THSD4: variants seen among roughly 807,000 people sequenced by gnomAD.
THSD4 encodes the protein thrombospondin type-1 domain-containing protein 4.
A neutral mutation model predicts 119.0 loss-of-function variants in THSD4; 69 were observed. The observed-to-expected ratio is 0.58, with a 90% CI of 0.48 to 0.71. THSD4 has a LOEUF of 0.71. THSD4 is among the 30% of genes least tolerant of loss of function. The pLI, the probability that THSD4 is intolerant of heterozygous loss-of-function variation, is 0.00. For synonymous variants in THSD4, 524 were observed against 540.4 expected (o/e 0.97, Z 0.42); for missense variants, 1,393 against 1,391.1 (o/e 1.00, Z -0.02).
intron 3 of THSD4, among the ~76,000 whole-genome samples, chr15:71,199,113 C>T (rs2043745707): frequency 6.6e-6 from 1 of 152,214 alleles, no homozygotes; most frequent in African/African-American, 2.4e-5. Flanking sequence ...ATGGATGCCA[C>T]AGCACATTAG....
At chr15:71,363,397 C>CTAGA (rs1157612133) in intron 6 of THSD4, among the ~76,000 whole-genome samples, 1 of 152,160 alleles carries the variant, frequency 6.6e-6, no homozygotes, top group African/African-American at 2.4e-5. Context: ...TCAACTTTCC[C>CTAGA]TAGAAGCCTG....
chr15:71,714,167 C>A (rs771416355), intron 8 of THSD4, among the ~76,000 whole-genome samples: 1 of 152,204 alleles, frequency 6.6e-6, no homozygotes, highest in Non-Finnish European at 1.5e-5. Context: ...CTATTCTTCT[C>A]ATCCACAAAA....
intron 7 of THSD4, among the ~76,000 whole-genome samples, chr15:71,594,420 G>A (rs145959033): frequency 0.02 from 3,055 of 152,106 alleles, 93 homozygotes; most frequent in African/African-American, 0.069. Context: ...TGTTGGCTGG[G>A]CTGTTCTTGA....
intron 7 of THSD4, among the ~76,000 whole-genome samples, chr15:71,436,717 G>A (rs1386814292): frequency 6.6e-6 from 1 of 152,180 alleles, no homozygotes; most frequent in Non-Finnish European, 1.5e-5. Context: ...AACATGCATA[G>A]CACGGGGGAA....
chr15:71,695,269 T>G (rs1434018001), intron 8 of THSD4, among the ~76,000 whole-genome samples: 1 of 152,194 alleles, frequency 6.6e-6, no homozygotes, highest in Non-Finnish European at 1.5e-5. Context: ...CTGGCCCATT[T>G]TAAATTAGGT....
intron 6 of THSD4, among the ~76,000 whole-genome samples, chr15:71,399,585 G>A (rs2046497158): frequency 6.6e-6 from 1 of 152,180 alleles, no homozygotes. Flanking sequence ...TGTTAGCTAT[G>A]GCAGTGCATT....
rs2052304713 is a variant in THSD4, at chr15:71,702,194, C to T, written c.1358-26355C>T. ...GAGGGCAGGCCTCGTCCAGGGGCCC[C>T]CCAGAACCACTGGACCCTGCAGCCT... On this transcript the variant is annotated intron_variant, in intron 8 of 17. Transcript: ENST00000261862. 2.6e-5 allele frequency among the ~76,000 whole-genome samples: 4 copies of T among 152,248 alleles called. No individual in the cohort carries two copies. In the South Asian group the frequency reaches 6.2e-4, roughly 24 times the overall value.
At chr15:71,151,718 T>C (rs2040724170) in intron 2 of THSD4, among the ~76,000 whole-genome samples, 1 of 152,224 alleles carries the variant, frequency 6.6e-6, no homozygotes, top group Admixed American at 6.5e-5. Flanking sequence ...ACCCGCTGTC[T>C]CTAATTCTCC....
intron 14 of THSD4, among the ~76,000 whole-genome samples, chr15:71,755,710 A>C (rs2053526899): frequency 2.9e-5 from 3 of 102,786 alleles, no homozygotes; most frequent in African/African-American, 2.1e-4. Flanking sequence ...CAAAGACAAA[A>C]AAAAAAAAAA....
At chr15:71,336,677 C>T (rs2045493291) in intron 6 of THSD4, among the ~76,000 whole-genome samples, 1 of 152,310 alleles carries the variant, frequency 6.6e-6, no homozygotes, top group African/African-American at 2.4e-5. Flanking sequence ...AAAAATTTAT[C>T]ATTTCTGTTC....
At chr15:71,521,773 A>T (rs533302680) in intron 7 of THSD4, among the ~76,000 whole-genome samples, 1 of 152,178 alleles carries the variant, frequency 6.6e-6, no homozygotes, top group Non-Finnish European at 1.5e-5. Context: ...AGCTCCTTGG[A>T]GAAAAAAGTT....
intron 3 of THSD4, chr15:71,184,073 T>C (rs563453311): frequency 6.6e-6 from 1 of 151,888 alleles, no homozygotes; most frequent in South Asian, 2.1e-4. Context: ...CCTGGGCTTG[T>C]TTTTGAAGAG....
chr15:71,294,923 TAA>T (rs10656605), intron 6 of THSD4, among the ~76,000 whole-genome samples: 15 of 138,154 alleles, frequency 1.1e-4, no homozygotes, highest in African/African-American at 3.2e-4. Context: ...CTCACAGCTG[TAA>T]AAAAAAAAAA....
At position 71,148,149 on chromosome 15, in the gene THSD4, C is replaced by G. The variant is rs188073726; in HGVS notation, c.29+6593C>G. 1.1e-3 allele frequency among the ~76,000 whole-genome samples: 163 copies of G among 152,252 alleles called. 3 individuals carry two copies. The highest frequency in any genetic ancestry group is 3.5e-4 in the Non-Finnish European group (24 of 68,008). On this transcript the variant is annotated intron_variant, in intron 2 of 17. Transcript: ENST00000261862. ...TCCATGCTCTATAATGGAAATATTT[C>G]ACTCTGCGCGAGCCAGGCAGGCCTT...
At chr15:71,526,807 C>T (rs556330493) in intron 7 of THSD4, among the ~76,000 whole-genome samples, 12 of 152,226 alleles carry the variant, frequency 7.9e-5, no homozygotes, top group Middle Eastern at 3.4e-3. Context: ...TTTGATTCAA[C>T]CTAGAATAGA....
At chr15:71,124,297 A>G (rs539858433) in intron 1 of THSD4, among the ~76,000 whole-genome samples, 1 of 152,344 alleles carries the variant, frequency 6.6e-6, no homozygotes, top group South Asian at 2.1e-4. Flanking sequence ...ACTTATGGGC[A>G]CTGCAATTTT....
chr15:71,133,719 T>A (rs2040523961), intron 1 of THSD4, among the ~76,000 whole-genome samples: 1 of 152,208 alleles, frequency 6.6e-6, no homozygotes, highest in Non-Finnish European at 1.5e-5. Flanking sequence ...AGCAACTTTA[T>A]ACAGAAGCAG....
rs1199884987 is a variant in THSD4, at chr15:71,115,772, C to T, written c.-80+74C>T. 2 of 149,636 alleles carry T rather than the reference C, an allele frequency of 1.3e-5. No homozygotes were observed. The highest frequency in any genetic ancestry group is 1.9e-4 in the East Asian group (1 of 5,152). 9.3% of individuals were successfully genotyped at this position (149,636 alleles called of 1,614,324 possible). On this transcript the variant is annotated intron_variant, in intron 1 of 17. Transcript: ENST00000261862. The surrounding 1 kb of genome is among the most constrained non-coding windows in gnomAD (Gnocchi z 4.4). ...CCCGACCCGGCTTCCGCTGCCCAGG[C>T]TCCGGCTCCCGCTCTCTGGCCGGCG...
At chr15:71,521,915 G>C (rs12910411) in intron 7 of THSD4, among the ~76,000 whole-genome samples, 97,365 of 152,138 alleles carry the variant, frequency 0.64, 31,919 homozygotes, top group African/African-American at 0.78. Context: ...GAAATTATTA[G>C]AAAAATTGGT....
Sources: gnomAD v4.1 joint callset for allele counts (sites outside exome capture counted in the v4.1 genomes callset) on GRCh38, gnomAD v4.1.1 for gene constraint, Gnocchi (gnomAD v3.1) non-coding constraint, MANE v1.5 for transcripts, NCBI Gene and HGNC (gene_info 2026-07-23, HGNC 2026-07-21) for gene names.